Variants in ZNF503 observed in about 807,000 individuals in gnomAD.
The protein encoded by ZNF503 is zinc finger protein 503.
ZNF503 carries 15 observed loss-of-function variants against 34.4 expected under a neutral mutation model. That is an observed-to-expected ratio of 0.44 (90% CI 0.29 to 0.67). ZNF503 has a LOEUF of 0.67. Ranked by LOEUF, ZNF503 falls within the 30% of genes least tolerant of loss-of-function variation. The pLI is 0.13. For missense variants in ZNF503, 1,007 were observed against 926.8 expected (o/e 1.09, Z -1.12); for synonymous variants, 580 against 456.8 (o/e 1.27, Z -3.44).
At chr10:75,340,432 G>A in the ZNF503 span, among the ~76,000 whole-genome samples, 1 of 152,064 alleles carries the variant, frequency 6.6e-6, no homozygotes, top group African/African-American at 2.4e-5. Context: ...GAAAATAGTT[G>A]GACAAGTGCA....
downstream of ZNF503, among the ~76,000 whole-genome samples, chr10:75,397,028 C>T (rs1322587923): frequency 1.3e-5 from 2 of 152,152 alleles, no homozygotes; most frequent in Admixed American, 6.5e-5. Context: ...CCAGAAAGGC[C>T]GGACCTGGGC....
chr10:75,396,460 C>T (rs1333367219), downstream of ZNF503, among the ~76,000 whole-genome samples: 3 of 151,950 alleles, frequency 2.0e-5, no homozygotes, highest in African/African-American at 7.2e-5. The surrounding 1 kb of genome is among the most constrained non-coding windows in gnomAD (Gnocchi z 4.4). Flanking sequence ...GCGTGCAACC[C>T]GGGTAAAGGC....
At position 75,400,060 on chromosome 10, in the gene ZNF503, C is replaced by T; in HGVS notation, c.630G>A (p.Ser210=). 2 of 1,577,484 alleles carry T rather than the reference C, an allele frequency of 1.3e-6. No individual in the cohort carries two copies. Among genetic ancestry groups the T allele is most frequent in the East Asian group, 2.3e-5 (1 of 43,138 alleles). Residue 210 remains serine, a synonymous_variant, in exon 2 of 2, where the codon TCG becomes TCA. Coordinates refer to ENST00000372524, the MANE Select transcript of ZNF503 (RefSeq NM_032772.6). ...AGGTGGCGCTCGGTACCCGGAATCC[C>T]GACTTCTCCGACGAAACACCCCCGC... The part of the protein sequence containing the change: ...GGGGGVSSEK[S]GFRVPSATCQ...
the ZNF503 span, among the ~76,000 whole-genome samples, chr10:75,381,967 C>T: frequency 2.0e-5 from 3 of 151,768 alleles, no homozygotes; most frequent in Middle Eastern, 3.2e-3. Context: ...CCACCGTGCT[C>T]AACTAATTTT....
At chr10:75,333,441 G>A in the ZNF503 span, among the ~76,000 whole-genome samples, 1 of 58,924 alleles carries the variant, frequency 1.7e-5, no homozygotes, top group African/African-American at 7.8e-5. Context: ...CGGACGGGGC[G>A]GCTGGCCAGG....
At chr10:75,367,745 T>C in the ZNF503 span, among the ~76,000 whole-genome samples, 1 of 152,222 alleles carries the variant, frequency 6.6e-6, no homozygotes, top group African/African-American at 2.4e-5. Context: ...CCTTATCTCC[T>C]TTGTTCAAAC....
downstream of ZNF503, among the ~76,000 whole-genome samples, chr10:75,395,481 T>C (rs1439353743): frequency 6.6e-6 from 1 of 151,988 alleles, no homozygotes; most frequent in African/African-American, 2.4e-5. The surrounding 1 kb of genome is among the most constrained non-coding windows in gnomAD (Gnocchi z 4.4). Context: ...CGCCGGGCTC[T>C]GCAGCGCCGC....
the ZNF503 span, among the ~76,000 whole-genome samples, chr10:75,360,301 T>A: frequency 6.6e-6 from 1 of 151,580 alleles, no homozygotes; most frequent in Admixed American, 6.6e-5. Context: ...TTTTTTGTAT[T>A]TTTTTTAGTA....
chr10:75,352,378 T>C, the ZNF503 span, among the ~76,000 whole-genome samples: 1 of 126,708 alleles, frequency 7.9e-6, no homozygotes, highest in African/African-American at 2.7e-5. Context: ...CCCCAGAAGA[T>C]CTCCTAGCCT....
Position 75,399,906 on chromosome 10 carries a change from C to T in ZNF503, c.784G>A (p.Gly262Ser), listed in dbSNP as rs1179905783. 6.2e-7 allele frequency: 1 copy of T among 1,604,416 alleles called. No homozygotes were observed. Among genetic ancestry groups the T allele is most frequent in the African/African-American group, 1.3e-5 (1 of 74,924 alleles). ...KDDKKDTDVG[G>S]GGKGTGGASA... ...GCGCCCCCGGTGCCCTTGCCACCGC[C>T]GCCCACGTCGGTGTCTTTCTTGTCG... The change falls in exon 2 of 2, where the codon GGC becomes AGC. Residue 262 changes from glycine (G) to serine (S), a missense_variant. Coordinates refer to ENST00000372524, the MANE Select transcript of ZNF503 (RefSeq NM_032772.6).
the ZNF503 span, among the ~76,000 whole-genome samples, chr10:75,322,121 C>T: frequency 1.5e-5 from 2 of 129,108 alleles, no homozygotes; most frequent in African/African-American, 3.1e-5. Flanking sequence ...TTATTTACCA[C>T]CACCAATTTT....
rs1843801921 is a variant in ZNF503, at chr10:75,401,135, G to A, written c.285C>T (p.Pro95=). 1 of 1,613,172 alleles carries A rather than the reference G, an allele frequency of 6.2e-7. No homozygotes were observed. The highest frequency in any genetic ancestry group is 8.5e-7 in the Non-Finnish European group (1 of 1,179,666). Residue 95 remains proline, a synonymous_variant, in exon 1 of 2, where the codon CCC becomes CCT. Transcript: ENST00000372524. ...GHILHPEYLQ[P]LPSTPVSPIE... ...TGGGGCTGACCGGCGTGGAAGGCAG[G>A]GGCTGCAGGTACTCGGGGTGCAAAA...
chr10:75,323,365 GCCA>G, the ZNF503 span, among the ~76,000 whole-genome samples: 27 of 152,166 alleles, frequency 1.8e-4, no homozygotes, highest in Non-Finnish European at 3.7e-4. Flanking sequence ...ATTTCTCTTG[GCCA>G]AGTACGTAGG....
chr10:75,289,291 C>T, the ZNF503 span, among the ~76,000 whole-genome samples: 2 of 152,110 alleles, frequency 1.3e-5, no homozygotes, highest in African/African-American at 4.8e-5. Flanking sequence ...AGTCATGGAC[C>T]AGTCCCAGCC....
In ZNF503 at chr10:75,400,078, AC is replaced by A; in HGVS notation, c.611del (p.Gly204ValfsTer91). 6.5e-7 allele frequency: 1 copy of A among 1,538,106 alleles called. No homozygotes were observed. ...GGGGGGGGGG[G>X]VSSEKSGFRV... ...GGAATCCCGACTTCTCCGACGAAAC[AC>A]CCCCGCCGCCGCCCCCGCCACCGCC... On this transcript the variant is annotated frameshift_variant, in exon 2 of 2. Coordinates refer to ENST00000372524, the MANE Select transcript of ZNF503 (RefSeq NM_032772.6). LOFTEE classifies it high-confidence loss of function.
At chr10:75,322,417 C>T in the ZNF503 span, among the ~76,000 whole-genome samples, 43 of 152,246 alleles carry the variant, frequency 2.8e-4, no homozygotes, top group African/African-American at 9.1e-4. Flanking sequence ...CCACCACGCC[C>T]GGCCCACTGC....
At chr10:75,349,498 ATTG>A in the ZNF503 span, among the ~76,000 whole-genome samples, 2 of 152,224 alleles carry the variant, frequency 1.3e-5, no homozygotes, top group African/African-American at 4.8e-5. Flanking sequence ...GCTGCAACTT[ATTG>A]AGTGTCCGTC....
At chr10:75,357,748 C>T in the ZNF503 span, among the ~76,000 whole-genome samples, 1 of 152,124 alleles carries the variant, frequency 6.6e-6, no homozygotes, top group African/African-American at 2.4e-5. Context: ...GAATCCAGGC[C>T]CATGGGCTCC....
At chr10:75,347,582 A>G in the ZNF503 span, among the ~76,000 whole-genome samples, 1 of 152,230 alleles carries the variant, frequency 6.6e-6, no homozygotes, top group Non-Finnish European at 1.5e-5. Flanking sequence ...CCCTTCCCTG[A>G]GATGGCACTG....
Sources: allele counts gnomAD v4.1 joint callset (sites outside exome capture counted in the v4.1 genomes callset), GRCh38; gene constraint gnomAD v4.1.1; non-coding constraint Gnocchi (gnomAD v3.1); transcripts MANE v1.5; gene names NCBI Gene and HGNC (gene_info 2026-07-23, HGNC 2026-07-21).